Variants in ROR1 observed in about 807,000 individuals in gnomAD.
ROR1 encodes ROR family WNT receptor 1, also known as inactive tyrosine-protein kinase transmembrane receptor ROR1.
ROR1 carries 19 observed loss-of-function variants against 78.8 expected under a neutral mutation model. The observed-to-expected ratio is 0.24, with a 90% confidence interval of 0.17 to 0.35. The LOEUF (loss-of-function observed/expected upper bound fraction) is 0.35. ROR1 is among the 10% of genes least tolerant of loss of function. ROR1 has a pLI of 1.00. For missense variants in ROR1, 917 were observed against 1,177.8 expected, an observed-to-expected ratio of 0.78 and a Z score of 3.24; for synonymous variants, 386 against 433.6, an observed-to-expected ratio of 0.89 and a Z score of 1.36.
chr1:63,954,054 C>T (rs906337913), intron 1 of ROR1, among the ~76,000 whole-genome samples: 2 of 152,174 alleles, frequency 1.3e-5, no homozygotes, highest in Non-Finnish European at 2.9e-5. Context: ...ATTTTAATAT[C>T]ACTGTGATGG....
At chr1:63,899,854 T>G (rs971077271) in intron 1 of ROR1, among the ~76,000 whole-genome samples, 2 of 151,962 alleles carry the variant, frequency 1.3e-5, no homozygotes, top group Non-Finnish European at 2.9e-5. Flanking sequence ...CTCTTGGTTT[T>G]AAATATCAAA....
chr1:64,022,596 G>A (rs1395895883), intron 2 of ROR1, among the ~76,000 whole-genome samples: 2 of 152,120 alleles, frequency 1.3e-5, no homozygotes, highest in African/African-American at 4.8e-5. Flanking sequence ...CCACTAATAA[G>A]GTAACCCCAG....
intron 1 of ROR1, among the ~76,000 whole-genome samples, chr1:63,845,769 C>T (rs1645076651): frequency 6.6e-6 from 1 of 152,128 alleles, no homozygotes; most frequent in Non-Finnish European, 1.5e-5. Flanking sequence ...GTCTGCTGTG[C>T]CCCAGATAGT....
chr1:64,006,802 A>T (rs1462292889), intron 1 of ROR1, among the ~76,000 whole-genome samples: 2 of 152,144 alleles, frequency 1.3e-5, no homozygotes, highest in African/African-American at 4.8e-5. Context: ...GGAAAGAGGT[A>T]AGCCAAGGAG....
intron 1 of ROR1, among the ~76,000 whole-genome samples, chr1:63,910,574 A>T (rs941934461): frequency 1.3e-5 from 2 of 152,108 alleles, no homozygotes. Context: ...CCCCTCCAGG[A>T]AGCTTTTCCT....
At chr1:64,128,607 T>C (rs1443268617) in intron 4 of ROR1, among the ~76,000 whole-genome samples, 1 of 152,230 alleles carries the variant, frequency 6.6e-6, no homozygotes, top group African/African-American at 2.4e-5. Flanking sequence ...AATTCACTTA[T>C]TGAACGTTTA....
chr1:64,140,129 A>G lies in ROR1; in HGVS notation c.631A>G (p.Thr211Ala), dbSNP rs1208361213. 1 of 1,612,436 alleles carries G rather than the reference A, an allele frequency of 6.2e-7. No homozygotes were observed. The highest frequency in any genetic ancestry group is 8.5e-7 in the Non-Finnish European group (1 of 1,178,554). Residue 211 changes from threonine (T) to alanine (A), a missense_variant, in exon 6 of 9, where the codon ACT (threonine) becomes GCT (alanine). Thr to Ala is a moderately conservative substitution (Grantham distance 58). Transcript: ENST00000371079. ...QITAAFTMIG[T>A]SSHLSDKCSQ... is the part of the protein sequence containing the mutation. ...TCCAGCTGCCTTCACTATGATTGGC[A>G]CTTCCAGTCACTTATCTGATAAGTG... is the stretch of plus-strand genomic sequence containing the variant.
intron 1 of ROR1, among the ~76,000 whole-genome samples, chr1:63,875,202 C>T (rs1645277312): frequency 6.6e-6 from 1 of 152,160 alleles, no homozygotes. Context: ...CTTATTTATA[C>T]AGTTATTATA....
chr1:63,941,496 T>G (rs181815646), intron 1 of ROR1, among the ~76,000 whole-genome samples: 16 of 152,308 alleles, frequency 1.1e-4, no homozygotes, highest in Non-Finnish European at 1.9e-4. Flanking sequence ...GTACAGTAAA[T>G]AAATGGAGCC....
intron 1 of ROR1, among the ~76,000 whole-genome samples, chr1:63,785,369 C>T (rs1226187049): frequency 6.6e-6 from 1 of 152,046 alleles, no homozygotes; most frequent in Non-Finnish European, 1.5e-5. Context: ...CCAGTCATGA[C>T]TGTTTTATCT....
At chr1:63,914,855 G>GC (rs1398089519) in intron 1 of ROR1, among the ~76,000 whole-genome samples, 1 of 152,074 alleles carries the variant, frequency 6.6e-6, no homozygotes, top group Non-Finnish European at 1.5e-5. Context: ...TTGCTTCCAT[G>GC]CACCTTGGCT....
chr1:63,825,345 A>C (rs1284561385), intron 1 of ROR1, among the ~76,000 whole-genome samples: 1 of 152,238 alleles, frequency 6.6e-6, no homozygotes, highest in Non-Finnish European at 1.5e-5. Flanking sequence ...CTATTTAGTA[A>C]TTAAAAGGAG....
chr1:64,089,734 A>G (rs1419910501), intron 4 of ROR1, among the ~76,000 whole-genome samples: 2 of 152,300 alleles, frequency 1.3e-5, no homozygotes, highest in African/African-American at 2.4e-5. Context: ...AATGCAGGAA[A>G]AGGTTTGTTA....
At chr1:63,822,778 T>C (rs1296569209) in intron 1 of ROR1, among the ~76,000 whole-genome samples, 1 of 152,212 alleles carries the variant, frequency 6.6e-6, no homozygotes, top group Non-Finnish European at 1.5e-5. Flanking sequence ...TGTTGGGCAT[T>C]ACTCCTCTCT....
At chr1:63,896,127 C>A (rs1024283883) in intron 1 of ROR1, among the ~76,000 whole-genome samples, 1 of 152,070 alleles carries the variant, frequency 6.6e-6, no homozygotes, top group African/African-American at 2.4e-5. Flanking sequence ...AAAAGCCACT[C>A]CCATCATTAC....
intron 1 of ROR1, among the ~76,000 whole-genome samples, chr1:63,844,466 T>C (rs1182507232): frequency 6.6e-6 from 1 of 152,128 alleles, no homozygotes; most frequent in Non-Finnish European, 1.5e-5. Context: ...ATCAACTTTA[T>C]GGGGATGGGG....
chr1:64,115,535 C>T (rs975602125), intron 4 of ROR1, among the ~76,000 whole-genome samples: 4 of 151,740 alleles, frequency 2.6e-5, no homozygotes, highest in African/African-American at 9.7e-5. Context: ...TCAGTTTACT[C>T]ATCTGTATAA....
At chr1:64,124,732 G>A (rs1352519127) in intron 4 of ROR1, among the ~76,000 whole-genome samples, 1 of 152,174 alleles carries the variant, frequency 6.6e-6, no homozygotes, top group African/African-American at 2.4e-5. Flanking sequence ...TGCCAGGGGT[G>A]GGAAGGGGTT....
chr1:63,786,569 G>GC (rs1163998087), intron 1 of ROR1, among the ~76,000 whole-genome samples: 2 of 135,562 alleles, frequency 1.5e-5, no homozygotes, highest in African/African-American at 6.0e-5. Flanking sequence ...ACCGCGCCTG[G>GC]CCTTTTTTTT....
Sources: gnomAD v4.1 joint callset for allele counts (sites outside exome capture counted in the v4.1 genomes callset) on GRCh38, gnomAD v4.1.1 for gene constraint, MANE v1.5 for transcripts, NCBI Gene and HGNC (gene_info 2026-07-23, HGNC 2026-07-21) for gene names.